SAMSN1: variants seen among roughly 807,000 people sequenced by gnomAD.
SAMSN1 encodes SAM domain-containing protein SAMSN-1.
A neutral mutation model predicts 42.0 loss-of-function variants in SAMSN1; 31 were observed. The observed-to-expected ratio is 0.74, with a 90% CI of 0.55 to 1.00. SAMSN1 has a LOEUF of 1.00. Ranked by LOEUF, SAMSN1 falls within the 50% of genes least tolerant of loss-of-function variation. SAMSN1 has a pLI of 0.00. For synonymous variants in SAMSN1, 178 were observed against 151.9 expected (o/e 1.17, Z -1.26); for missense variants, 464 against 439.4 (o/e 1.06, Z -0.50).
At chr21:14,522,985 G>T (rs1348850386) in intron 1 of SAMSN1, among the ~76,000 whole-genome samples, 1 of 152,116 alleles carries the variant, frequency 6.6e-6, no homozygotes, top group South Asian at 2.1e-4. Context: ...TGGGATGTGG[G>T]GGGAAACCCA....
chr21:14,622,245 G>A (rs986263592), intron 2 of SAMSN1, among the ~76,000 whole-genome samples: 10 of 152,208 alleles, frequency 6.6e-5, no homozygotes, highest in South Asian at 6.2e-4. Context: ...GCAGCTCCTC[G>A]CCAGCAATGG....
intron 1 of SAMSN1, among the ~76,000 whole-genome samples, chr21:14,521,797 G>A (rs1978502111): frequency 6.6e-6 from 1 of 151,570 alleles, no homozygotes; most frequent in African/African-American, 2.4e-5. Context: ...GACAGGTGCA[G>A]CAAAACACCA....
At chr21:14,618,176 T>C (rs1982894050) in intron 2 of SAMSN1, among the ~76,000 whole-genome samples, 1 of 152,202 alleles carries the variant, frequency 6.6e-6, no homozygotes, top group Admixed American at 6.5e-5. Flanking sequence ...GATGAATCAG[T>C]TTAGGTTTGG....
At chr21:14,602,838 A>G (rs952280857) in intron 5 of SAMSN1, among the ~76,000 whole-genome samples, 1 of 152,050 alleles carries the variant, frequency 6.6e-6, no homozygotes, top group African/African-American at 2.4e-5. Flanking sequence ...TCAGTTTTCT[A>G]CTATTCCTCA....
intron 1 of SAMSN1, among the ~76,000 whole-genome samples, chr21:14,646,357 A>G (rs889667314): frequency 6.6e-6 from 1 of 152,252 alleles, no homozygotes; most frequent in African/African-American, 2.4e-5. Flanking sequence ...AGGAGAGAGT[A>G]GCATGACATA....
intron 6 of SAMSN1, among the ~76,000 whole-genome samples, chr21:14,596,908 T>A (rs1203688038): frequency 6.6e-6 from 1 of 152,082 alleles, no homozygotes; most frequent in Admixed American, 6.6e-5. Context: ...TGTGAAATAA[T>A]TTTTTTTGTT....
chr21:14,620,180 C>T (rs1982963788), intron 2 of SAMSN1, among the ~76,000 whole-genome samples: 1 of 152,134 alleles, frequency 6.6e-6, no homozygotes, highest in South Asian at 2.1e-4. Context: ...TCCTTCACTT[C>T]AAGATAGTCA....
In SAMSN1 at chr21:14,535,935, A is replaced by G. The variant is rs115947959; in HGVS notation, c.57+10270T>C. On this transcript the variant is annotated intron_variant, in intron 1 of 7. Coordinates refer to ENST00000400566, the MANE Select transcript of SAMSN1 (RefSeq NM_022136.5). ...TGGCAGCTCTAGCAAACTAATACAGACTAAGTGAAGGAAGGAGGGGGACTT... is the reference window on the plus strand; with the variant it reads ...TGGCAGCTCTAGCAAACTAATACAGGCTAAGTGAAGGAAGGAGGGGGACTT... Among the ~76,000 whole-genome samples the G allele has an allele frequency of 5.4e-3, 828 of 152,326 alleles. 12 individuals carry two copies. The highest frequency in any genetic ancestry group is 0.018 in the African/African-American group (755 of 41,584).
intron 2 of SAMSN1, among the ~76,000 whole-genome samples, chr21:14,554,063 A>G (rs1318275035): frequency 6.6e-6 from 1 of 152,154 alleles, no homozygotes; most frequent in Non-Finnish European, 1.5e-5. Flanking sequence ...TTTTCCAGGA[A>G]AATTCCGTTA....
intron 1 of SAMSN1, among the ~76,000 whole-genome samples, chr21:14,646,750 A>G (rs1438331986): frequency 6.6e-6 from 1 of 152,226 alleles, no homozygotes; most frequent in Non-Finnish European, 1.5e-5. Context: ...AATAGAAGCA[A>G]TGAAAAGTTA....
At chr21:14,648,484 C>A (rs1197523978) in intron 1 of SAMSN1, among the ~76,000 whole-genome samples, 1 of 152,092 alleles carries the variant, frequency 6.6e-6, no homozygotes, top group African/African-American at 2.4e-5. Context: ...AAACAGGCAA[C>A]CTAAAAAATG....
chr21:14,563,349 A>T (rs548552405), intron 2 of SAMSN1, among the ~76,000 whole-genome samples: 1 of 152,242 alleles, frequency 6.6e-6, no homozygotes, highest in Non-Finnish European at 1.5e-5. Flanking sequence ...ATTATATTGA[A>T]GGAGAAATTT....
chr21:14,592,619 A>G, intron 7 of SAMSN1: 1 of 380,114 alleles, frequency 2.6e-6, no homozygotes, highest in South Asian at 1.9e-5. Context: ...TTCTTTTGTT[A>G]CTTTACATAA....
intron 4 of SAMSN1, among the ~76,000 whole-genome samples, chr21:14,510,786 G>A (rs1489392647): frequency 1.3e-5 from 2 of 152,168 alleles, no homozygotes; most frequent in Non-Finnish European, 2.9e-5. Context: ...ACATTACAAA[G>A]TTCCCTACAA....
intron 2 of SAMSN1, among the ~76,000 whole-genome samples, chr21:14,520,475 T>C (rs1357463349): frequency 6.6e-6 from 1 of 152,242 alleles, no homozygotes; most frequent in Non-Finnish European, 1.5e-5. Flanking sequence ...GAATTGTCAG[T>C]GTCAGTTTGA....
In SAMSN1 at chr21:14,512,838, C is replaced by A. The variant is rs145409579; in HGVS notation, c.280-265G>T. Among the ~76,000 whole-genome samples, 2 of 152,166 alleles carry A rather than the reference C, an allele frequency of 1.3e-5. No individual in the cohort carries two copies. Among genetic ancestry groups the A allele is most frequent in the East Asian group, 1.9e-4 (1 of 5,186 alleles). The stretch of plus-strand genomic sequence containing the variant: ...CATTTTTACAAACTAGGATGAATAT[C>A]ATATCAATATTATTTAATCAAAAGT... On this transcript the variant is annotated intron_variant, in intron 3 of 7. Coordinates refer to ENST00000400566, the MANE Select transcript of SAMSN1 (RefSeq NM_022136.5).
chr21:14,510,176 G>C, intron 5 of SAMSN1, 134 bp downstream of exon 5: 1 of 826,654 alleles, frequency 1.2e-6, no homozygotes, highest in Non-Finnish European at 2.0e-6. Flanking sequence ...TCTTAGTACT[G>C]TAAGCTAGCC....
At chr21:14,533,893 A>C (rs1311441603) in intron 1 of SAMSN1, among the ~76,000 whole-genome samples, 1 of 152,226 alleles carries the variant, frequency 6.6e-6, no homozygotes, top group Non-Finnish European at 1.5e-5. Context: ...CCTTAGGTAC[A>C]CATCTCACCT....
chr21:14,557,830 GTCCTGGGATTTTGCTCAAGCTTT>G (rs1478542360), intron 2 of SAMSN1, among the ~76,000 whole-genome samples: 3 of 152,128 alleles, frequency 2.0e-5, no homozygotes, highest in African/African-American at 7.2e-5. Flanking sequence ...GTTCTTACCT[GTCCTGGGATTTTGCTCAAGCTTT>G]TCCATCTGCG....
Sources: allele counts gnomAD v4.1 joint callset (sites outside exome capture counted in the v4.1 genomes callset), GRCh38; gene constraint gnomAD v4.1.1; transcripts MANE v1.5; gene names NCBI Gene and HGNC (gene_info 2026-07-23, HGNC 2026-07-21).